The following FAT2 variants were observed in gnomAD, a reference collection of about 807,000 sequenced individuals.
FAT2 encodes protocadherin Fat 2.
Under a neutral mutation model 295.3 loss-of-function variants are expected in FAT2, and 150 were observed. The observed-to-expected ratio is 0.51, with a 90% CI of 0.44 to 0.58. The LOEUF is 0.58. Ranked by LOEUF, FAT2 falls within the 20% of genes least tolerant of loss-of-function variation. The pLI is 0.00. For missense variants in FAT2, 4,868 were observed against 5,442.7 expected (o/e 0.89, Z 3.32); for synonymous variants, 2,026 against 2,150.3 (o/e 0.94, Z 1.60).
upstream of FAT2, among the ~76,000 whole-genome samples, chr5:151,594,334 T>C (rs1173262676): frequency 6.6e-6 from 1 of 152,176 alleles, no homozygotes; most frequent in Non-Finnish European, 1.5e-5. Flanking sequence ...TGGAAGTTCC[T>C]CAGGGATGGG....
chr5:151,582,587 A>T (rs1420234876), intron 1 of FAT2, among the ~76,000 whole-genome samples: 3 of 152,190 alleles, frequency 2.0e-5, no homozygotes, highest in African/African-American at 7.2e-5. Flanking sequence ...CAAGGGAACC[A>T]TCTCTTTCTT....
Position 151,545,214 on chromosome 5 carries a change from A to C in FAT2, c.5913T>G (p.Asp1971Glu). The change falls in exon 10 of 24, where the codon GAT becomes GAG. Residue 1971 changes from aspartate to glutamate, a missense_variant. By Grantham distance (45) the Asp-to-Glu change is conservative. This residue lies in a region of FAT2 where 3,297 missense variants were observed against 3,669.4 expected (regional missense o/e 0.90). Coordinates refer to ENST00000261800, the MANE Select transcript of FAT2 (RefSeq NM_001447.3). ...TCTCCTTCACAGCTGCCCAGTAGAC[A>C]TCCTGATCAAACTGCAAGCTTTTGT... The part of the protein sequence containing the change: ...VLDKSLQFDQ[D>E]VYWAAVKENL... 6.2e-7 allele frequency: 1 copy of C among 1,614,184 alleles called. No individual in the cohort carries two copies. The highest frequency in any genetic ancestry group is 8.5e-7 in the Non-Finnish European group (1 of 1,180,028).
Position 151,554,368 on chromosome 5 carries a change from G to A in FAT2, c.3939C>T (p.Ile1313=), listed in dbSNP as rs777610254. Reference sequence around the variant, plus strand: ...CTTCCTTCTGTCTGCTCACCGTTAGGATGTTGTACTCTCCAGCTGTAAAAG... The same window carrying A: ...CTTCCTTCTGTCTGCTCACCGTTAGAATGTTGTACTCTCCAGCTGTAAAAG... ...SSTFTAGEYN[I]LTIKATDSGQ... The change falls in exon 5 of 24, where the codon ATC becomes ATT. Residue 1313 remains isoleucine (I), a synonymous_variant. Coordinates refer to ENST00000261800, the MANE Select transcript of FAT2 (RefSeq NM_001447.3). 1.2e-6 allele frequency: 2 copies of A among 1,613,514 alleles called. No individual in the cohort carries two copies. The highest frequency in any genetic ancestry group is 1.1e-5 in the South Asian group (1 of 91,000).
chr5:151,508,540 T>A (rs1761067887), intron 22 of FAT2, among the ~76,000 whole-genome samples: 1 of 152,110 alleles, frequency 6.6e-6, no homozygotes. Flanking sequence ...TGAAACCCCG[T>A]ATCTACTAAA....
At chr5:151,580,355 C>G (rs1285362018) in intron 1 of FAT2, among the ~76,000 whole-genome samples, 1 of 152,204 alleles carries the variant, frequency 6.6e-6, no homozygotes, top group African/African-American at 2.4e-5. Flanking sequence ...CTCAGTTTCC[C>G]CATTTGTGAA....
intron 20 of FAT2, among the ~76,000 whole-genome samples, chr5:151,513,817 ATAAAT>A (rs1434054176): frequency 4.6e-5 from 7 of 152,230 alleles, no homozygotes; most frequent in Non-Finnish European, 1.0e-4. Context: ...TTATTTCTAA[ATAAAT>A]TAATACATTT....
In FAT2 at chr5:151,566,718, T is replaced by C; in HGVS notation, c.2214A>G (p.Ala738=). 6.2e-7 allele frequency: 1 copy of C among 1,614,168 alleles called. No homozygotes were observed. The highest frequency in any genetic ancestry group is 1.1e-5 in the South Asian group (1 of 91,084). The change falls in exon 2 of 24, where the codon GCA becomes GCG. Residue 738 remains alanine (A), a synonymous_variant. Coordinates refer to ENST00000261800, the MANE Select transcript of FAT2 (RefSeq NM_001447.3). The stretch of plus-strand genomic sequence containing the variant: ...TAAAACCAGCATCAGGGTCAGTGGC[T>C]GCTAGGCGGGCCAAGGGGGTGTTGA... ...VPINTPLARL[A]ATDPDAGFNG...
chr5:151,566,215 A>G lies in FAT2; in HGVS notation c.2717T>C (p.Phe906Ser). The G allele has an allele frequency of 6.2e-7, 1 of 1,614,096 alleles. No homozygotes were observed. The highest frequency in any genetic ancestry group is 1.1e-5 in the South Asian group (1 of 91,070). Residue 906 changes from phenylalanine to serine, a missense_variant, in exon 2 of 24, where the codon TTC becomes TCC. Around this residue, in one of 5 missense-constraint regions of FAT2, gnomAD observed 3,297 missense variants for 3,669.4 expected, o/e 0.90. Coordinates refer to ENST00000261800, the MANE Select transcript of FAT2 (RefSeq NM_001447.3). ...RDQPSKGHQL[F>S]SVTDLIITLE... ...TGTGATTATCAGGTCAGTGACAGAG[A>G]AGAGCTGGTGGCCTTTGCTGGGCTG...
Position 151,521,674 on chromosome 5 carries a change from G to T in FAT2, c.10919C>A (p.Pro3640His). The T allele has an allele frequency of 6.2e-7, 1 of 1,614,042 alleles. No individual in the cohort carries two copies. The highest frequency in any genetic ancestry group is 8.5e-7 in the Non-Finnish European group (1 of 1,180,028). ...AMWMGFYQLT[P>H]EELVSDHWRN... ...CCAGTGGTCACTCACCAGCTCCTCG[G>T]GGGTGAGCTGGTAGAAGCCCATCCA... The change falls in exon 19 of 24, where the codon CCC becomes CAC. Residue 3640 changes from proline (P) to histidine (H), a missense_variant. By Grantham distance (77) the Pro-to-His change is moderately conservative (BLOSUM62 -2). This residue lies in a region of FAT2 where 1,046 missense variants were observed against 1,210.1 expected (regional missense o/e 0.86). Coordinates refer to ENST00000261800, the MANE Select transcript of FAT2 (RefSeq NM_001447.3).
At chr5:151,570,478 C>T (rs986571352) in intron 1 of FAT2, among the ~76,000 whole-genome samples, 6 of 152,216 alleles carry the variant, frequency 3.9e-5, no homozygotes, top group Admixed American at 2.0e-4. Flanking sequence ...TCTTGTTGAA[C>T]TGATCATGAA....
At chr5:151,561,120 T>C (rs1008538573) in intron 3 of FAT2, among the ~76,000 whole-genome samples, 2 of 152,180 alleles carry the variant, frequency 1.3e-5, no homozygotes, top group African/African-American at 4.8e-5. Flanking sequence ...GAAAGTGTGT[T>C]AGGGTATCAG....
At chr5:151,529,835 C>G (rs1754400965) in intron 14 of FAT2, among the ~76,000 whole-genome samples, 1 of 152,132 alleles carries the variant, frequency 6.6e-6, no homozygotes, top group South Asian at 2.1e-4. Flanking sequence ...TTCATTAATA[C>G]TCAAAGTTGC....
At position 151,505,953 on chromosome 5, in the gene FAT2, C is replaced by G. The variant is rs1370186171; in HGVS notation, c.12662G>C (p.Gly4221Ala). Residue 4221 changes from glycine (G) to alanine (A), a missense_variant, in exon 24 of 24, where the codon GGC becomes GCC. Transcript: ENST00000261800. ...STPVVMPEPN[G>A]LYGGFPFPLE... ...GGGGAAGGGGAAGCCCCCATAGAGG[C>G]CATTAGGCTCTGGCATCACGACTGG... The G allele has an allele frequency of 1.3e-6, 2 of 1,575,930 alleles. No homozygotes were observed. Among genetic ancestry groups the G allele is most frequent in the Admixed American group, 3.9e-5 (2 of 50,942 alleles).
At chr5:151,550,129 C>T (rs548444257) in intron 8 of FAT2, among the ~76,000 whole-genome samples, 3 of 152,024 alleles carry the variant, frequency 2.0e-5, no homozygotes, top group Non-Finnish European at 4.4e-5. Context: ...AAGTAGGGTG[C>T]AAAATTTAAA....
intron 23 of FAT2, among the ~76,000 whole-genome samples, chr5:151,506,503 G>A (rs966032905): frequency 7.2e-5 from 11 of 152,218 alleles, no homozygotes; most frequent in African/African-American, 2.7e-4. Context: ...CTATCATGGA[G>A]AGTGATGAAA....
chr5:151,561,232 C>G (rs1228238709), intron 3 of FAT2, among the ~76,000 whole-genome samples: 1 of 152,160 alleles, frequency 6.6e-6, no homozygotes, highest in Non-Finnish European at 1.5e-5. Flanking sequence ...AACAGAATGG[C>G]ACATGCAAAG....
chr5:151,527,936 G>T, intron 16 of FAT2, 60 bp downstream of exon 16: 1 of 1,580,758 alleles, frequency 6.3e-7, no homozygotes, highest in Non-Finnish European at 8.6e-7. Context: ...TTCTGGACCT[G>T]CAGTGGGACT....
chr5:151,545,485 AT>A lies in FAT2; in HGVS notation c.5641del (p.Ile1881Ter). On this transcript the variant is annotated frameshift_variant, in exon 10 of 24. Coordinates refer to ENST00000261800, the MANE Select transcript of FAT2 (RefSeq NM_001447.3). LOFTEE classifies it high-confidence loss of function. ...CATGCCTGGATGGATAGGCCCGACT[AT>A]TGCTACCTCATATATCTGTTCTGAG... ...RFSEQIYEVA[I>X]VGPIHPGMEL... 1 of 1,614,166 alleles carries A rather than the reference AT, an allele frequency of 6.2e-7. No homozygotes were observed. The highest frequency in any genetic ancestry group is 8.5e-7 in the Non-Finnish European group (1 of 1,180,022).
rs1756245133 is a variant in FAT2, at chr5:151,542,442, G to A, written c.8685C>T (p.Ser2895=). ...GAGCATTGTCATTCTCATCTGTAAT[G>A]GAGACCTGAACCAGGGCCTGAGAGG... ...QLSSQALVQV[S]ITDENDNAPR... is the part of the protein sequence containing the mutation. Residue 2895 remains serine, a synonymous_variant, in exon 10 of 24, where the codon TCC becomes TCT. Coordinates refer to ENST00000261800, the MANE Select transcript of FAT2 (RefSeq NM_001447.3). 1 of 1,614,020 alleles carries A rather than the reference G, an allele frequency of 6.2e-7. No homozygotes were observed. The highest frequency in any genetic ancestry group is 1.7e-5 in the Admixed American group (1 of 59,980).
Sources: allele counts gnomAD v4.1 joint callset (sites outside exome capture counted in the v4.1 genomes callset), GRCh38; gene constraint gnomAD v4.1.1; regional missense constraint gnomAD v4.1.1; transcripts MANE v1.5; gene names NCBI Gene and HGNC (gene_info 2026-07-23, HGNC 2026-07-21).